AIM2: variants seen among roughly 807,000 people sequenced by gnomAD.
AIM2 encodes absent in melanoma 2.
Under a neutral mutation model 27.7 loss-of-function variants are expected in AIM2, and 30 were observed. The observed-to-expected ratio is 1.08, with a 90% CI of 0.81 to 1.47. The LOEUF (loss-of-function observed/expected upper bound fraction) is 1.47. Ranked by LOEUF, AIM2 falls within the 40% of genes most tolerant of loss-of-function variation. The probability of loss-of-function intolerance (pLI) is 0.00; values close to 1 mark genes in which losing one functional copy is unlikely to be tolerated. For missense variants in AIM2, 358 were observed against 411.3 expected (o/e 0.87, Z 1.12); for synonymous variants, 141 against 145.3 (o/e 0.97, Z 0.21).
In AIM2 at chr1:159,065,792, T is replaced by C. The variant is rs1656062716; in HGVS notation, c.816+118A>G. On this transcript the variant is annotated intron_variant, in intron 4 of 5. Coordinates refer to ENST00000368130, the MANE Select transcript of AIM2 (RefSeq NM_004833.3). ...TACTCTGCAGCTCTTTAGAACTTTGTATTTTTTTATTTTGTCTATATAGAA... is the reference window on the plus strand; with the variant it reads ...TACTCTGCAGCTCTTTAGAACTTTGCATTTTTTTATTTTGTCTATATAGAA... 8 of 1,128,142 alleles carry C rather than the reference T, an allele frequency of 7.1e-6. No individual in the cohort carries two copies. In the South Asian group the frequency reaches 1.3e-4, roughly 19 times the overall value. The allele number at this position is 1,128,142 out of a possible 1,614,324, so 69.9% of individuals were successfully genotyped here. A position where few individuals can be genotyped will look rare whatever the true frequency, so the allele number is the denominator to read the frequency against.
rs182951436 is a variant in AIM2, at chr1:159,087,217, C to T, written c.-15-20888G>A. 5.9e-5 allele frequency among the ~76,000 whole-genome samples: 9 copies of T among 152,236 alleles called. No homozygotes were observed. The East Asian group carries it at 1.2e-3, about 20-fold the overall frequency. On this transcript the variant is annotated intron_variant, in intron 1 of 2. Coordinates refer to the AIM2 transcript ENST00000368129. ...CCCAACCCAACAGTCTCTACTTCTT[C>T]GCTTTTCCTTGACTCCTACACTACT...
At chr1:159,115,548 A>T (rs1234792372) in intron 1 of AIM2, among the ~76,000 whole-genome samples, 7 of 152,206 alleles carry the variant, frequency 4.6e-5, no homozygotes, top group African/African-American at 1.7e-4. Flanking sequence ...CAACCATCTG[A>T]TCTTTGACAA....
At chr1:159,116,396 T>G (rs1207019400) in intron 1 of AIM2, among the ~76,000 whole-genome samples, 1 of 152,180 alleles carries the variant, frequency 6.6e-6, no homozygotes, top group Admixed American at 6.5e-5. Context: ...ATGTTTATTG[T>G]GGCACTATTC....
At chr1:159,141,689 C>T (rs1026658808), upstream of AIM2, among the ~76,000 whole-genome samples, 1 of 152,070 alleles carries the variant, frequency 6.6e-6, no homozygotes, top group African/African-American at 2.4e-5. Flanking sequence ...AGAGACCTCA[C>T]CACACACACA....
chr1:159,136,398 A>T (rs1232028092), intron 1 of AIM2, among the ~76,000 whole-genome samples: 1 of 152,174 alleles, frequency 6.6e-6, no homozygotes, highest in Non-Finnish European at 1.5e-5. Flanking sequence ...TAGTTAGATC[A>T]TTTACTAGAT....
chr1:159,072,772 C>T (rs1656415049), intron 2 of AIM2, among the ~76,000 whole-genome samples: 1 of 151,906 alleles, frequency 6.6e-6, no homozygotes, highest in Non-Finnish European at 1.5e-5. Context: ...AAGCTGGGGA[C>T]AAGGAGAGGA....
intron 1 of AIM2, among the ~76,000 whole-genome samples, chr1:159,112,695 C>A (rs1400455372): frequency 2.6e-5 from 4 of 152,028 alleles, no homozygotes; most frequent in Non-Finnish European, 5.9e-5. Flanking sequence ...AGGAATTTAA[C>A]CATGGCTATG....
At chr1:159,114,768 G>C (rs1229570732) in intron 1 of AIM2, among the ~76,000 whole-genome samples, 1 of 152,106 alleles carries the variant, frequency 6.6e-6, no homozygotes, top group Non-Finnish European at 1.5e-5. Flanking sequence ...TTTGAAAACT[G>C]GCACAAGACA....
downstream of AIM2, among the ~76,000 whole-genome samples, chr1:159,059,737 C>T (rs768477545): frequency 7.2e-5 from 11 of 152,088 alleles, no homozygotes; most frequent in Non-Finnish European, 1.5e-4. Flanking sequence ...TGCTGATTCC[C>T]CTTTGAACTG....
intron 1 of AIM2, among the ~76,000 whole-genome samples, chr1:159,101,330 A>G (rs1355468674): frequency 6.6e-6 from 1 of 152,098 alleles, no homozygotes; most frequent in Non-Finnish European, 1.5e-5. Flanking sequence ...CCTTCTGCCT[A>G]GATTGTAAAA....
chr1:159,061,670 G>A (rs1655843187), downstream of AIM2, among the ~76,000 whole-genome samples: 1 of 150,720 alleles, frequency 6.6e-6, no homozygotes, highest in Non-Finnish European at 1.5e-5. Context: ...CTCCCAAAGT[G>A]CTGGGATTAC....
intron 1 of AIM2, among the ~76,000 whole-genome samples, chr1:159,105,348 G>A (rs571947042): frequency 4.6e-5 from 7 of 152,300 alleles, no homozygotes; most frequent in South Asian, 4.1e-4. Context: ...TACAGCCCTC[G>A]CCCGTGGACC....
At chr1:159,090,411 C>T (rs755644247) in intron 1 of AIM2, among the ~76,000 whole-genome samples, 11 of 152,120 alleles carry the variant, frequency 7.2e-5, no homozygotes, top group Non-Finnish European at 1.6e-4. Flanking sequence ...AAAAATAATA[C>T]ATGAATTTAA....
upstream of AIM2, among the ~76,000 whole-genome samples, chr1:159,144,693 C>T (rs934712488): frequency 5.3e-5 from 8 of 152,178 alleles, no homozygotes; most frequent in African/African-American, 1.9e-4. Flanking sequence ...ACTCATACCT[C>T]TAATTGAATA....
chr1:159,103,427 T>G (rs1156518012), intron 1 of AIM2, among the ~76,000 whole-genome samples: 5 of 152,228 alleles, frequency 3.3e-5, no homozygotes, highest in African/African-American at 1.2e-4. Context: ...TTCACAATAT[T>G]CCTCAGCTTA....
At chr1:159,093,671 A>G (rs893415083) in intron 1 of AIM2, among the ~76,000 whole-genome samples, 1 of 151,860 alleles carries the variant, frequency 6.6e-6, no homozygotes, top group Non-Finnish European at 1.5e-5. Context: ...AGGAATGTAT[A>G]TAACATTTTA....
At chr1:159,135,995 G>A (rs1028585925) in intron 1 of AIM2, among the ~76,000 whole-genome samples, 2 of 152,074 alleles carry the variant, frequency 1.3e-5, no homozygotes, top group East Asian at 3.9e-4. Flanking sequence ...ATTGCCCCAC[G>A]CAGAGAAGTC....
At chr1:159,133,858 CTTATT>C (rs1318501759) in intron 1 of AIM2, among the ~76,000 whole-genome samples, 35 of 152,296 alleles carry the variant, frequency 2.3e-4, no homozygotes, top group African/African-American at 7.9e-4. Flanking sequence ...CCTATGTGAT[CTTATT>C]CATACTCTTG....
chr1:159,092,982 C>T lies in AIM2; in HGVS notation c.-15-26653G>A, dbSNP rs548856609. Among the ~76,000 whole-genome samples the T allele has an allele frequency of 3.3e-4, 50 of 151,804 alleles. 1 individual carries two copies. The South Asian group carries it at 8.7e-3, about 27-fold the overall frequency. On this transcript the variant is annotated intron_variant, in intron 1 of 2. Coordinates refer to the AIM2 transcript ENST00000368129. ...CGGAGGTTGCAGTGAGCCAAGATCG[C>T]GCCACTACACTCCAGCCTCGGTGAC...
Sources: gnomAD v4.1 joint callset for allele counts (sites outside exome capture counted in the v4.1 genomes callset) on GRCh38, gnomAD v4.1.1 for gene constraint, MANE v1.5 for transcripts, NCBI Gene and HGNC (gene_info 2026-07-23, HGNC 2026-07-21) for gene names.